Variants in PHC2 observed in about 807,000 individuals in gnomAD.
PHC2 encodes the protein polyhomeotic-like protein 2.
PHC2 carries 29 observed loss-of-function variants against 87.4 expected under a neutral mutation model. That is an observed-to-expected ratio of 0.33 (90% confidence interval 0.25 to 0.45). PHC2 has a LOEUF of 0.45. PHC2 is among the 20% of genes least tolerant of loss of function. PHC2 has a pLI of 1.00. For missense variants in PHC2, 857 were observed against 1,136.7 expected (o/e 0.75, Z 3.54); for synonymous variants, 438 against 461.7 (o/e 0.95, Z 0.66).
chr1:33,339,583 A>C (rs1211679946), intron 9 of PHC2, among the ~76,000 whole-genome samples: 1 of 152,174 alleles, frequency 6.6e-6, no homozygotes, highest in Non-Finnish European at 1.5e-5. Flanking sequence ...GATGACCTCT[A>C]GAGGCAGAGG....
chr1:33,386,067 G>A (rs1648729600), intron 1 of PHC2, among the ~76,000 whole-genome samples: 1 of 151,900 alleles, frequency 6.6e-6, no homozygotes, highest in African/African-American at 2.4e-5. Context: ...AAAGTGCTGG[G>A]ATTACAGGCG....
Position 33,413,237 on chromosome 1 carries a change from G to C in PHC2, c.-55+17739C>G, listed in dbSNP as rs1267173545. The stretch of plus-strand genomic sequence containing the variant: ...CCGCCTCGGCCTCCCAAAGTGCTGG[G>C]ATTACAGGTGTGAGCCACTGTGCCC... On this transcript the variant is annotated intron_variant, in intron 1 of 14. Transcript: ENST00000683057. Among the ~76,000 whole-genome samples, 12 of 152,338 alleles carry C rather than the reference G, an allele frequency of 7.9e-5. No homozygotes were observed. In the East Asian group the frequency reaches 2.3e-3, roughly 29 times the overall value.
chr1:33,405,331 C>T (rs763518451), intron 1 of PHC2, among the ~76,000 whole-genome samples: 19 of 152,078 alleles, frequency 1.2e-4, no homozygotes, highest in South Asian at 1.0e-3. Flanking sequence ...GCTGGGACTG[C>T]AGGTATGTAC....
chr1:33,384,530 TTCTC>T (rs1648645900), intron 1 of PHC2, among the ~76,000 whole-genome samples: 1 of 152,204 alleles, frequency 6.6e-6, no homozygotes, highest in Non-Finnish European at 1.5e-5. Context: ...ATCTTCCTGT[TTCTC>T]TCCAGCTTCA....
chr1:33,327,214 A>G (rs761399248), intron 14 of PHC2, among the ~76,000 whole-genome samples: 1 of 152,126 alleles, frequency 6.6e-6, no homozygotes, highest in African/African-American at 2.4e-5. Context: ...CATGTCTGTA[A>G]TGGTTATCCT....
At position 33,353,799 on chromosome 1, in the gene PHC2, G is replaced by A. The variant is rs115386897; in HGVS notation, c.1558+602C>T. The stretch of plus-strand genomic sequence containing the variant: ...AAATAGATCTTTGCAGAAGGCGGAG[G>A]TACTGCTGTGCCTCTCCCATCCGGG... On this transcript the variant is annotated intron_variant, in intron 9 of 14. Coordinates refer to ENST00000683057, the MANE Select transcript of PHC2 (RefSeq NM_001385109.1). 5.0e-3 allele frequency among the ~76,000 whole-genome samples: 757 copies of A among 152,296 alleles called. 5 individuals are homozygous for A. Among genetic ancestry groups the A allele is most frequent in the Non-Finnish European group, 8.6e-3 (588 of 68,026 alleles).
chr1:33,396,240 T>C (rs1649289591), intron 1 of PHC2, among the ~76,000 whole-genome samples: 1 of 152,024 alleles, frequency 6.6e-6, no homozygotes, highest in African/African-American at 2.4e-5. Context: ...CATTTCCCCA[T>C]GGTGGGCCAC....
chr1:33,408,246 C>T (rs563661235), intron 1 of PHC2, among the ~76,000 whole-genome samples: 5 of 152,094 alleles, frequency 3.3e-5, no homozygotes, highest in Non-Finnish European at 7.4e-5. Flanking sequence ...TGTCACATCA[C>T]GTCAGAATCT....
At chr1:33,363,078 AG>A (rs1647242313) in intron 7 of PHC2, 1 of 91,578 alleles carries the variant, frequency 1.1e-5, no homozygotes, top group African/African-American at 7.4e-5. Flanking sequence ...CACAGCAACC[AG>A]GGAAATAGTC....
At chr1:33,384,569 G>T (rs967246208) in intron 1 of PHC2, among the ~76,000 whole-genome samples, 1 of 152,176 alleles carries the variant, frequency 6.6e-6, no homozygotes, top group African/African-American at 2.4e-5. Context: ...CTCCCACACA[G>T]CTGATTCCAG....
chr1:33,426,480 T>A (rs1269604271), intron 1 of PHC2, among the ~76,000 whole-genome samples: 1 of 152,210 alleles, frequency 6.6e-6, no homozygotes. Context: ...TGGGTATACC[T>A]GACTACAAAA....
chr1:33,325,159 GC>G, intron 14 of PHC2, 140 bp from the exon 15 acceptor site: 1 of 831,042 alleles, frequency 1.2e-6, no homozygotes, highest in Non-Finnish European at 1.8e-6. Context: ...TGAGGAAGGC[GC>G]TGCTGTTCTT....
At chr1:33,347,212 T>C (rs1464424583) in intron 9 of PHC2, 9 of 985,264 alleles carry the variant, frequency 9.1e-6, no homozygotes. Context: ...TCAGGGTCAG[T>C]CCGCTTAGAC....
chr1:33,377,296 G>C (rs1245653558), intron 1 of PHC2, among the ~76,000 whole-genome samples: 2 of 152,222 alleles, frequency 1.3e-5, no homozygotes, highest in African/African-American at 2.4e-5. Context: ...CTTGTGGCCT[G>C]GTTCACACTG....
rs565397288 is a variant in PHC2 at position 33,419,709 on chromosome 1, A to G, written c.-55+11267T>C. The stretch of plus-strand genomic sequence containing the variant: ...ACTGCAAGCTCCACCTCCCGGGTTC[A>G]TGCCATTCTCCTGCCTCAGCCTCCC... On this transcript the variant is annotated intron_variant, in intron 1 of 14. Coordinates refer to ENST00000683057, the MANE Select transcript of PHC2 (RefSeq NM_001385109.1). 6.6e-5 allele frequency among the ~76,000 whole-genome samples: 10 copies of G among 152,298 alleles called. No homozygotes were observed. In the South Asian group the frequency reaches 1.7e-3, roughly 25 times the overall value.
chr1:33,403,972 CT>C (rs368798593), intron 1 of PHC2, among the ~76,000 whole-genome samples: 211 of 152,278 alleles, frequency 1.4e-3, no homozygotes, highest in Non-Finnish European at 2.3e-3. Context: ...TTTTCATATG[CT>C]GTTCTTTCTC....
chr1:33,341,601 C>T (rs192913325), intron 9 of PHC2, among the ~76,000 whole-genome samples: 1 of 152,152 alleles, frequency 6.6e-6, no homozygotes. Context: ...TTCAGGAGGG[C>T]AAAACATGCT....
chr1:33,337,778 C>T (rs1030350411), intron 9 of PHC2, among the ~76,000 whole-genome samples: 37 of 152,372 alleles, frequency 2.4e-4, no homozygotes, highest in South Asian at 4.1e-4. Flanking sequence ...CCTAGGCCCT[C>T]TCTGCCCACA....
intron 6 of PHC2, 32 bp from the exon 7 acceptor site, chr1:33,367,460 A>C (rs1362537227): frequency 6.6e-7 from 1 of 1,504,876 alleles, no homozygotes; most frequent in Non-Finnish European, 9.0e-7. Context: ...GAGTCCAGAG[A>C]ATGTGGCAGG....
Sources: gnomAD v4.1 joint callset for allele counts (sites outside exome capture counted in the v4.1 genomes callset) on GRCh38, gnomAD v4.1.1 for gene constraint, MANE v1.5 for transcripts, NCBI Gene and HGNC (gene_info 2026-07-23, HGNC 2026-07-21) for gene names.